MAPK10: variants seen among roughly 807,000 people sequenced by gnomAD.
MAPK10 encodes the protein JNK3 alpha protein kinase.
In MAPK10, 25 loss-of-function variants were observed where a neutral mutation model predicts 59.3. The ratio of observed to expected loss-of-function variants is 0.42; its 90% CI spans 0.31 to 0.59. MAPK10 has a LOEUF of 0.59. Ranked by LOEUF, MAPK10 falls within the 20% of genes least tolerant of loss-of-function variation. MAPK10 has a pLI of 0.15. For synonymous variants in MAPK10, 190 were observed against 200.5 expected (o/e 0.95, Z 0.44); for missense variants, 351 against 568.9 (o/e 0.62, Z 3.90).
At chr4:86,388,118 A>G (rs577869668) in intron 1 of MAPK10, among the ~76,000 whole-genome samples, 1 of 151,946 alleles carries the variant, frequency 6.6e-6, no homozygotes, top group East Asian at 1.9e-4. Flanking sequence ...ATCCACACTG[A>G]ATACTTAAAG....
chr4:86,243,747 A>T (rs957673095), intron 2 of MAPK10, among the ~76,000 whole-genome samples: 1 of 64,898 alleles, frequency 1.5e-5, no homozygotes, highest in African/African-American at 6.1e-5. Context: ...CCCTCCCCCA[A>T]TCCTAGTAGT....
intron 1 of MAPK10, among the ~76,000 whole-genome samples, chr4:86,547,491 C>G (rs1012497283): frequency 7.2e-5 from 11 of 152,206 alleles, no homozygotes; most frequent in Admixed American, 7.2e-4. Flanking sequence ...GTTGCCTTCC[C>G]GCAGGGCAGG....
At chr4:86,537,598 G>C (rs749424887) in intron 1 of MAPK10, among the ~76,000 whole-genome samples, 2 of 152,108 alleles carry the variant, frequency 1.3e-5, no homozygotes, top group Non-Finnish European at 2.9e-5. Flanking sequence ...CCAGTTTATA[G>C]GTATTCAAGT....
chr4:86,421,426 C>T (rs545850036), intron 1 of MAPK10, among the ~76,000 whole-genome samples: 21 of 152,252 alleles, frequency 1.4e-4, no homozygotes, highest in African/African-American at 4.3e-4. Flanking sequence ...TTTGTTGAGA[C>T]GGTTGATTTT....
intron 1 of MAPK10, chr4:86,542,605 T>C (rs1007605911): frequency 1.3e-5 from 2 of 154,146 alleles, no homozygotes; most frequent in Non-Finnish European, 2.9e-5. Context: ...CGTGAGACTC[T>C]CTCTAAAAAA....
chr4:86,454,149 C>A (rs907698193), upstream of MAPK10, among the ~76,000 whole-genome samples: 1 of 152,170 alleles, frequency 6.6e-6, no homozygotes, highest in Admixed American at 6.5e-5. Flanking sequence ...TCTGACAGAG[C>A]CTACCCAAAT....
chr4:86,396,706 C>G (rs1297458875), intron 1 of MAPK10, among the ~76,000 whole-genome samples: 2 of 152,222 alleles, frequency 1.3e-5, no homozygotes, highest in Admixed American at 6.5e-5. Flanking sequence ...GAAACGGGAA[C>G]AGGTATGTCA....
intron 3 of MAPK10, among the ~76,000 whole-genome samples, chr4:86,174,805 T>A (rs1167963155): frequency 6.6e-6 from 1 of 152,162 alleles, no homozygotes; most frequent in Non-Finnish European, 1.5e-5. Context: ...GAGTCTATTA[T>A]TACTGCAGTA....
intron 2 of MAPK10, among the ~76,000 whole-genome samples, chr4:86,297,503 C>T (rs562654232): frequency 1.6e-4 from 25 of 152,008 alleles, no homozygotes; most frequent in African/African-American, 3.9e-4. Flanking sequence ...AGTAGAGACG[C>T]GGTTTCACCA....
chr4:86,297,486 T>C (rs1213288558), intron 2 of MAPK10, among the ~76,000 whole-genome samples: 2 of 152,102 alleles, frequency 1.3e-5, no homozygotes, highest in African/African-American at 2.4e-5. Flanking sequence ...CTACTTTTTG[T>C]ATTATTAGTA....
intron 1 of MAPK10, among the ~76,000 whole-genome samples, chr4:86,475,193 G>A (rs113200786): frequency 0.23 from 35,257 of 152,106 alleles, 5,038 homozygotes; most frequent in Admixed American, 0.31. Context: ...CACAAAGTCT[G>A]TTTGGTGGGG....
chr4:86,447,655 C>CA (rs1554265942), intron 1 of MAPK10, among the ~76,000 whole-genome samples: 2 of 151,252 alleles, frequency 1.3e-5, no homozygotes, highest in Admixed American at 6.6e-5. Flanking sequence ...AACACTGGTG[C>CA]TTTTTTTTTC....
In MAPK10 at chr4:86,067,650, G is replaced by C; in HGVS notation, c.985+123C>G. The C allele has an allele frequency of 5.0e-6, 4 of 800,832 alleles. No homozygotes were observed. In the South Asian group the frequency reaches 1.1e-4, roughly 22 times the overall value. The allele number at this position is 800,832 out of a possible 1,614,324, so 49.6% of individuals were successfully genotyped here. ...CACCCTATATCCCACAAAAATGTAC[G>C]ATTATCATGTGTCAACTAAAAATAA... On this transcript the variant is annotated intron_variant, in intron 10 of 13. Transcript: ENST00000641462.
chr4:86,475,755 G>T (rs1221007026), intron 1 of MAPK10, among the ~76,000 whole-genome samples: 1 of 151,838 alleles, frequency 6.6e-6, no homozygotes, highest in Non-Finnish European at 1.5e-5. Context: ...CGCTTTTCTA[G>T]GGGGCAAGAA....
intron 2 of MAPK10, among the ~76,000 whole-genome samples, chr4:86,242,927 G>C (rs375373526): frequency 6.9e-4 from 105 of 152,330 alleles, no homozygotes; most frequent in African/African-American, 2.4e-3. Context: ...TTCTGGGGTT[G>C]GGACGCTAGG....
intron 2 of MAPK10, among the ~76,000 whole-genome samples, chr4:86,214,217 A>T (rs2086697021): frequency 6.6e-6 from 1 of 152,088 alleles, no homozygotes; most frequent in South Asian, 2.1e-4. Flanking sequence ...CAAACTAAAA[A>T]TAGAATGAAA....
At chr4:86,410,878 GT>G (rs1214212201) in intron 1 of MAPK10, among the ~76,000 whole-genome samples, 2 of 151,976 alleles carry the variant, frequency 1.3e-5, no homozygotes, top group African/African-American at 2.4e-5. Context: ...TTTCGGAAGG[GT>G]TTTTTTGTAT....
At chr4:86,164,714 A>G (rs2071037832) in intron 3 of MAPK10, 1 of 152,178 alleles carries the variant, frequency 6.6e-6, no homozygotes, top group African/African-American at 2.4e-5. Flanking sequence ...TACTATAGAC[A>G]TACTCTTTAT....
intron 1 of MAPK10, among the ~76,000 whole-genome samples, chr4:86,478,429 A>C (rs987000057): frequency 6.6e-6 from 1 of 152,158 alleles, no homozygotes; most frequent in Admixed American, 6.5e-5. Context: ...CTAGCCCTCA[A>C]GTCTGTGTGC....
Sources: allele counts gnomAD v4.1 joint callset (sites outside exome capture counted in the v4.1 genomes callset), GRCh38; gene constraint gnomAD v4.1.1; transcripts MANE v1.5; gene names NCBI Gene and HGNC (gene_info 2026-07-23, HGNC 2026-07-21).